Variants in ZNF883 observed in about 807,000 individuals in gnomAD.
ZNF883 encodes zinc finger protein 883.
chr9:112,997,165 A>C (rs1828367628), exon 1 of ZNF883: 1 of 1,611,552 alleles, frequency 6.2e-7, no homozygotes, highest in East Asian at 2.2e-5. Context: ...TCTGATGTCG[A>C]ATTAAGGATG....
At chr9:112,988,762 A>G (rs1014174145) in intron 1 of ZNF883, among the ~76,000 whole-genome samples, 1 of 152,168 alleles carries the variant, frequency 6.6e-6, no homozygotes, top group African/African-American at 2.4e-5. Flanking sequence ...ACTAATTTAT[A>G]TTCCTACCAA....
At chr9:113,011,145 G>C (rs1417973093) in exon 2 of ZNF883, 1 of 152,168 alleles carries the variant, frequency 6.6e-6, no homozygotes. Context: ...GCTCACCAAA[G>C]ACCATGTAGT....
chr9:112,992,992 T>G (rs530874865), downstream of ZNF883, among the ~76,000 whole-genome samples: 18 of 152,312 alleles, frequency 1.2e-4, no homozygotes, highest in African/African-American at 3.1e-4. Context: ...ATTCTTAGCT[T>G]CTTTCCATTG....
intron 2 of ZNF883, among the ~76,000 whole-genome samples, chr9:113,005,633 T>C (rs1040872101): frequency 6.6e-6 from 1 of 152,208 alleles, no homozygotes; most frequent in African/African-American, 2.4e-5. Flanking sequence ...CAAATTACCT[T>C]TGAGTCATAA....
intron 2 of ZNF883, among the ~76,000 whole-genome samples, chr9:113,003,294 G>A (rs1188186007): frequency 6.6e-6 from 1 of 152,202 alleles, no homozygotes; most frequent in African/African-American, 2.4e-5. Flanking sequence ...CACCATGTAA[G>A]AAGTCCCTTT....
chr9:113,004,429 G>A (rs569272398), intron 2 of ZNF883, among the ~76,000 whole-genome samples: 5 of 152,244 alleles, frequency 3.3e-5, no homozygotes, highest in African/African-American at 9.6e-5. Flanking sequence ...AAATTCATAT[G>A]TTGAAATTTT....
At chr9:113,008,775 A>C (rs865896853) in intron 2 of ZNF883, among the ~76,000 whole-genome samples, 1 of 152,040 alleles carries the variant, frequency 6.6e-6, no homozygotes, top group Middle Eastern at 3.4e-3. Flanking sequence ...AGTTGGCCAT[A>C]AATTAGAGTC....
chr9:112,997,010 GAGTGTTTTGC>G, downstream of ZNF883: 1 of 993,360 alleles, frequency 1.0e-6, no homozygotes, highest in Non-Finnish European at 1.4e-6. Context: ...TTAAGTAAAT[GAGTGTTTTGC>G]CTAAGATTTT....
At chr9:112,996,383 C>A (rs1406163621), downstream of ZNF883, among the ~76,000 whole-genome samples, 2 of 151,906 alleles carry the variant, frequency 1.3e-5, no homozygotes. Context: ...ATTTTCAAAC[C>A]CTCTATAAAA....
At chr9:112,998,386 T>A, upstream of ZNF883, 1 of 698,282 alleles carries the variant, frequency 1.4e-6, no homozygotes, top group Non-Finnish European at 2.1e-6. Context: ...TTCTTATATC[T>A]AATAAATTAT....
chr9:113,006,267 G>C (rs1475680253), intron 2 of ZNF883, among the ~76,000 whole-genome samples: 1 of 152,048 alleles, frequency 6.6e-6, no homozygotes, highest in East Asian at 1.9e-4. Flanking sequence ...TACCCTGTAT[G>C]GTTTGGACAG....
intron 1 of ZNF883, 120 bp from the exon 2 acceptor site, chr9:113,011,347 T>A (rs918312692): frequency 6.6e-6 from 1 of 152,192 alleles, no homozygotes; most frequent in Non-Finnish European, 1.5e-5. Context: ...AACAGATTCT[T>A]TCCCTGCAGA....
At chr9:113,003,793 C>A (rs189731265) in intron 2 of ZNF883, among the ~76,000 whole-genome samples, 23 of 152,234 alleles carry the variant, frequency 1.5e-4, no homozygotes, top group African/African-American at 5.3e-4. Context: ...AGAGTAACTT[C>A]AAAGCAGAAA....
At chr9:113,004,724 C>G (rs559879049) in intron 2 of ZNF883, among the ~76,000 whole-genome samples, 1 of 151,468 alleles carries the variant, frequency 6.6e-6, no homozygotes, top group South Asian at 2.1e-4. Context: ...TATTCTGTTA[C>G]AGTAGCCCAA....
chr9:112,997,758 G>A, exon 1 of ZNF883: 1 of 1,613,864 alleles, frequency 6.2e-7, no homozygotes, highest in East Asian at 2.2e-5. Flanking sequence ...TGTTCAATTA[G>A]GTGTGTGCTG....
exon 1 of ZNF883, chr9:112,997,698 T>C (rs905248433): frequency 1.2e-6 from 2 of 1,613,574 alleles, no homozygotes; most frequent in African/African-American, 1.3e-5. Flanking sequence ...CAAAAAACTT[T>C]CCGACATTGC....
chr9:113,007,995 A>T (rs577637694), intron 2 of ZNF883, among the ~76,000 whole-genome samples: 12 of 152,190 alleles, frequency 7.9e-5, no homozygotes, highest in Non-Finnish European at 1.8e-4. Flanking sequence ...TTTCTGCATC[A>T]CCGGGACAGC....
At chr9:112,998,193 T>C (rs1157614224) in exon 1 of ZNF883, 10 of 1,613,720 alleles carry the variant, frequency 6.2e-6, no homozygotes, top group East Asian at 2.2e-5. Flanking sequence ...GCAAGACAAG[T>C]GTAGCCTTTC....
chr9:113,011,476 CTT>C (rs1828538511), intron 1 of ZNF883, among the ~76,000 whole-genome samples: 1 of 152,338 alleles, frequency 6.6e-6, no homozygotes, highest in Middle Eastern at 3.4e-3. Flanking sequence ...CCAGCTCCCT[CTT>C]TGTTTGTTAA....
Sources: gnomAD v4.1 joint callset for allele counts (sites outside exome capture counted in the v4.1 genomes callset) on GRCh38, gnomAD v4.1.1 for gene constraint, MANE v1.5 for transcripts, NCBI Gene and HGNC (gene_info 2026-07-23, HGNC 2026-07-21) for gene names.